STOX2: variants seen among roughly 807,000 people sequenced by gnomAD.
STOX2 encodes the protein storkhead-box protein 2.
A neutral mutation model predicts 60.9 loss-of-function variants in STOX2; 28 were observed. That is an observed-to-expected ratio of 0.46 (90% CI 0.34 to 0.63). The LOEUF is 0.63. Among genes scored for constraint, STOX2 ranks in the 30% least tolerant of loss-of-function variants. The probability of loss-of-function intolerance (pLI) is 0.01; values close to 1 mark genes in which losing one functional copy is unlikely to be tolerated. For synonymous variants in STOX2, 472 were observed against 463.9 expected (o/e 1.02, Z -0.22); for missense variants, 1,024 against 1,187.7 (o/e 0.86, Z 2.03).
chr4:183,953,574 G>GTTTTTTTTTTTTT (rs1274868295), intron 1 of STOX2, among the ~76,000 whole-genome samples: 3 of 91,962 alleles, frequency 3.3e-5, no homozygotes, highest in African/African-American at 5.5e-5. Flanking sequence ...TATTATCCCT[G>GTTTTTTTTTTTTT]ATTTTTTTTG....
At chr4:183,851,050 C>G (rs868771298) in intron 1 of STOX2, among the ~76,000 whole-genome samples, 133 of 56,740 alleles carry the variant, frequency 2.3e-3, no homozygotes, top group Middle Eastern at 0.016. Context: ...ATGAGAGAAA[C>G]GATGAGAGAA....
intron 1 of STOX2, among the ~76,000 whole-genome samples, chr4:183,942,426 G>C (rs1742778953): frequency 6.7e-6 from 1 of 148,556 alleles, no homozygotes; most frequent in African/African-American, 2.5e-5. Context: ...CATGGGACCA[G>C]ACTTCTGGTT....
intron 1 of STOX2, among the ~76,000 whole-genome samples, chr4:183,951,107 T>C (rs952101987): frequency 2.0e-5 from 3 of 150,610 alleles, no homozygotes; most frequent in Non-Finnish European, 3.0e-5. Context: ...TCCCAGCTAC[T>C]CGGGAGGCTG....
intron 1 of STOX2, among the ~76,000 whole-genome samples, chr4:183,819,414 G>T (rs1025511502): frequency 1.3e-5 from 2 of 151,828 alleles, no homozygotes; most frequent in African/African-American, 4.8e-5. Flanking sequence ...GCATGGCGGC[G>T]CGCGCCCACA....
At chr4:183,818,308 A>T (rs2111107454) in intron 1 of STOX2, among the ~76,000 whole-genome samples, 1 of 152,172 alleles carries the variant, frequency 6.6e-6, no homozygotes, top group South Asian at 2.1e-4. Flanking sequence ...CTTAACGAGC[A>T]TGCTGCCTTC....
chr4:183,902,024 A>G (rs1330346526), upstream of STOX2, among the ~76,000 whole-genome samples: 1 of 152,164 alleles, frequency 6.6e-6, no homozygotes, highest in African/African-American at 2.4e-5. Context: ...AGTAGTTAAT[A>G]TATCTGACGA....
rs575852251 is a variant in STOX2 at position 184,011,507 on chromosome 4, C to T, written c.2585+84C>T. 125 of 1,579,402 alleles carry T rather than the reference C, an allele frequency of 7.9e-5. No individual in the cohort carries two copies. Among genetic ancestry groups the T allele is most frequent in the Admixed American group, 2.5e-4 (14 of 56,344 alleles). ...ACGTAACTTGACAAGTTTCTGATTT[C>T]GTAGTCTCAGTTCTATGGATGAGGG... On this transcript the variant is annotated intron_variant, in intron 3 of 3. Transcript: ENST00000308497. The surrounding 1 kb of genome is among the most constrained non-coding windows in gnomAD (Gnocchi z 4.4).
chr4:183,815,041 C>T (rs1263941683), intron 1 of STOX2, among the ~76,000 whole-genome samples: 1 of 151,426 alleles, frequency 6.6e-6, no homozygotes, highest in African/African-American at 2.4e-5. Context: ...GCTCTGTTGC[C>T]CACGCTGGAG....
At chr4:183,982,498 T>G (rs186239718) in intron 1 of STOX2, among the ~76,000 whole-genome samples, 1 of 152,226 alleles carries the variant, frequency 6.6e-6, no homozygotes, top group Non-Finnish European at 1.5e-5. Context: ...TGTCTTTTTT[T>G]AAAAAAATCA....
At chr4:183,881,372 T>C (rs1740955465) in intron 1 of STOX2, among the ~76,000 whole-genome samples, 1 of 152,116 alleles carries the variant, frequency 6.6e-6, no homozygotes, top group South Asian at 2.1e-4. Flanking sequence ...GGTGTGGTGG[T>C]GCGCCTGTAG....
chr4:183,893,402 G>A (rs971001613), intron 1 of STOX2, among the ~76,000 whole-genome samples: 21 of 152,202 alleles, frequency 1.4e-4, no homozygotes, highest in African/African-American at 5.1e-4. Flanking sequence ...TTCCCTTTGC[G>A]GCCAGCATCT....
chr4:183,928,195 C>T (rs1301870430), intron 1 of STOX2, among the ~76,000 whole-genome samples: 2 of 136,022 alleles, frequency 1.5e-5, no homozygotes, highest in South Asian at 2.5e-4. Flanking sequence ...GTGTCTTTCA[C>T]GTGGGTGAGG....
At chr4:183,874,975 AT>A (rs1560857857) in intron 1 of STOX2, among the ~76,000 whole-genome samples, 2,049 of 110,964 alleles carry the variant, frequency 0.018, 58 homozygotes, top group Middle Eastern at 0.033. Flanking sequence ...ATATATATAT[AT>A]ATATATATAT....
intron 1 of STOX2, among the ~76,000 whole-genome samples, chr4:183,864,186 T>A (rs1391102836): frequency 6.6e-6 from 1 of 152,212 alleles, no homozygotes; most frequent in African/African-American, 2.4e-5. Flanking sequence ...GGACTTCTCA[T>A]GCCTTTACTA....
chr4:183,911,562 G>T (rs1040525705), intron 1 of STOX2, among the ~76,000 whole-genome samples: 1 of 152,102 alleles, frequency 6.6e-6, no homozygotes, highest in Non-Finnish European at 1.5e-5. Flanking sequence ...CTTACAAAAG[G>T]TCACCTCTCT....
chr4:183,849,245 G>T (rs1370749080), intron 1 of STOX2, among the ~76,000 whole-genome samples: 1 of 152,194 alleles, frequency 6.6e-6, no homozygotes, highest in Non-Finnish European at 1.5e-5. Context: ...GGCTGGAGTT[G>T]GGGAATTAGG....
intron 1 of STOX2, among the ~76,000 whole-genome samples, chr4:183,936,009 C>T (rs558746143): frequency 3.3e-5 from 5 of 152,330 alleles, no homozygotes; most frequent in African/African-American, 1.2e-4. Context: ...TATTTCACGA[C>T]ATTCGTGGGA....
intron 1 of STOX2, among the ~76,000 whole-genome samples, chr4:183,866,275 C>CA (rs1740565244): frequency 1.3e-5 from 2 of 152,098 alleles, no homozygotes; most frequent in African/African-American, 4.8e-5. Context: ...CTTTCCTTGC[C>CA]AAAAACCCTA....
In STOX2 at chr4:184,011,480, G is replaced by T; in HGVS notation, c.2585+57G>T. 1 of 1,586,506 alleles carries T rather than the reference G, an allele frequency of 6.3e-7. No homozygotes were observed. The highest frequency in any genetic ancestry group is 1.7e-5 in the Admixed American group (1 of 57,528). The stretch of plus-strand genomic sequence containing the variant: ...CGCCTAGCGGGGCCTGGGGCTTTAT[G>T]CACGTAACTTGACAAGTTTCTGATT... On this transcript the variant is annotated intron_variant, in intron 3 of 3. Transcript: ENST00000308497. This position sits in a 1 kb window ranked among gnomAD's most constrained non-coding sequence, Gnocchi z 4.4.
Sources: gnomAD v4.1 joint callset for allele counts (sites outside exome capture counted in the v4.1 genomes callset) on GRCh38, gnomAD v4.1.1 for gene constraint, Gnocchi (gnomAD v3.1) non-coding constraint, MANE v1.5 for transcripts, NCBI Gene and HGNC (gene_info 2026-07-23, HGNC 2026-07-21) for gene names.